FCHO2: variants seen among roughly 807,000 people sequenced by gnomAD.
FCHO2 encodes FCH and mu domain containing endocytic adaptor 2, also known as F-BAR domain only protein 2.
A neutral mutation model predicts 114.1 loss-of-function variants in FCHO2; 43 were observed. That is an observed-to-expected ratio of 0.38 (90% CI 0.30 to 0.49). The LOEUF is 0.49. Among genes scored for constraint, FCHO2 ranks in the 20% least tolerant of loss-of-function variants. FCHO2 has a pLI of 0.97. For missense variants in FCHO2, 807 were observed against 950.4 expected, an observed-to-expected ratio of 0.85 and a Z score of 1.98; for synonymous variants, 293 against 315.2, an observed-to-expected ratio of 0.93 and a Z score of 0.75.
intron 10 of FCHO2, among the ~76,000 whole-genome samples, chr5:73,040,804 T>A (rs1756766396): frequency 6.6e-6 from 1 of 152,156 alleles, no homozygotes; most frequent in African/African-American, 2.4e-5. Flanking sequence ...GTTTAAAAAT[T>A]GTATTTTTTC....
rs70973214 is a variant in FCHO2, at chr5:72,963,902, G to GTTT, written c.34-4571_34-4569dup. On this transcript the variant is annotated intron_variant, in intron 1 of 25. Coordinates refer to ENST00000430046, the MANE Select transcript of FCHO2 (RefSeq NM_138782.3). ...TTCCCATTTTGTATGGGAACTTTCA[G>GTTT]TTTTTTTTTTTTTTTTTTTTTTTTT... Among the ~76,000 whole-genome samples the GTTT allele has an allele frequency of 8.4e-5, 8 of 95,714 alleles. 1 individual carries two copies. Among genetic ancestry groups the GTTT allele is most frequent in the African/African-American group, 1.7e-4 (4 of 23,880 alleles). The allele number at this position is 95,714 out of a possible 152,430, so 62.8% of individuals were successfully genotyped here.
At chr5:73,053,970 A>G (rs567054129) in intron 13 of FCHO2, among the ~76,000 whole-genome samples, 190 bp from the exon 14 acceptor site, 1 of 152,290 alleles carries the variant, frequency 6.6e-6, no homozygotes, top group South Asian at 2.1e-4. Flanking sequence ...TTAATATTGG[A>G]TAAGAAAAGA....
At position 73,063,805 on chromosome 5, in the gene FCHO2, T is replaced by C. The variant is rs886175860; in HGVS notation, c.1346-36T>C. The C allele has an allele frequency of 4.5e-6, 7 of 1,566,896 alleles. No individual in the cohort carries two copies. In the Admixed American group the frequency reaches 8.7e-5, roughly 19 times the overall value. ...TTATGTAAGGATTGCTACATACTAA[T>C]GATTTTCTTCAAATTCTCTTTTCCC... On this transcript the variant is annotated intron_variant, in intron 17 of 25. Coordinates refer to ENST00000430046, the MANE Select transcript of FCHO2 (RefSeq NM_138782.3).
intron 8 of FCHO2, among the ~76,000 whole-genome samples, chr5:73,022,575 C>T (rs1017164770): frequency 6.6e-6 from 1 of 152,142 alleles, no homozygotes; most frequent in African/African-American, 2.4e-5. Context: ...TGCATTCGTC[C>T]CCGGAGGAGA....
At chr5:72,966,750 A>G (rs1029805048) in intron 1 of FCHO2, among the ~76,000 whole-genome samples, 2 of 152,232 alleles carry the variant, frequency 1.3e-5, no homozygotes, top group African/African-American at 4.8e-5. Context: ...GTATTATGTA[A>G]CACTTGCTTA....
At chr5:73,063,287 T>C (rs894847054) in intron 17 of FCHO2, among the ~76,000 whole-genome samples, 1 of 152,120 alleles carries the variant, frequency 6.6e-6, no homozygotes, top group African/African-American at 2.4e-5. Flanking sequence ...CCAAAGTTAA[T>C]TGTAATGATT....
At chr5:73,011,150 G>A (rs1253994267) in intron 6 of FCHO2, among the ~76,000 whole-genome samples, 4 of 152,142 alleles carry the variant, frequency 2.6e-5, no homozygotes, top group Non-Finnish European at 4.4e-5. Flanking sequence ...TTGCAGGACT[G>A]GAAGTTGCTC....
chr5:72,987,023 G>A (rs991401747), intron 2 of FCHO2, among the ~76,000 whole-genome samples: 2 of 151,348 alleles, frequency 1.3e-5, no homozygotes, highest in Non-Finnish European at 2.9e-5. Flanking sequence ...TTACAGGCGT[G>A]TGTCACCAAG....
intron 1 of FCHO2, among the ~76,000 whole-genome samples, chr5:72,957,638 A>G (rs778275584): frequency 2.6e-5 from 4 of 152,228 alleles, no homozygotes; most frequent in Non-Finnish European, 5.9e-5. Context: ...TGGGTTATGA[A>G]TAATGCTGCA....
At chr5:73,009,450 A>G (rs1300907805) in intron 6 of FCHO2, among the ~76,000 whole-genome samples, 1 of 152,154 alleles carries the variant, frequency 6.6e-6, no homozygotes, top group Admixed American at 6.5e-5. Context: ...ACATCTTTCC[A>G]TTTCCTTTTC....
At chr5:72,974,255 C>A (rs1752735219) in intron 2 of FCHO2, among the ~76,000 whole-genome samples, 1 of 133,992 alleles carries the variant, frequency 7.5e-6, no homozygotes, top group African/African-American at 2.8e-5. Flanking sequence ...TCCTGGGTAT[C>A]CTTGTTGACT....
chr5:73,044,943 G>C (rs1580158422), intron 11 of FCHO2, among the ~76,000 whole-genome samples: 1 of 152,126 alleles, frequency 6.6e-6, no homozygotes, highest in East Asian at 1.9e-4. Context: ...AATGGGTAAA[G>C]ATGAACACAG....
chr5:73,021,048 G>A (rs1755597882), intron 8 of FCHO2: 1 of 1,007,512 alleles, frequency 9.9e-7, no homozygotes, highest in Non-Finnish European at 1.6e-6. Context: ...ATCCATGGAA[G>A]TTTACCTGGT....
intron 6 of FCHO2, among the ~76,000 whole-genome samples, chr5:73,010,552 C>A (rs958455885): frequency 6.6e-6 from 1 of 151,978 alleles, no homozygotes; most frequent in East Asian, 1.9e-4. Context: ...TGTCGTTAGG[C>A]AATTTTGTCA....
chr5:73,012,617 CA>C (rs11358269), intron 6 of FCHO2, among the ~76,000 whole-genome samples: 42,840 of 92,694 alleles, frequency 0.46, 6,203 homozygotes, highest in East Asian at 0.59. Flanking sequence ...GACTCCGTCT[CA>C]AAAAAAAAAA....
intron 2 of FCHO2, among the ~76,000 whole-genome samples, chr5:72,980,027 A>G (rs960650696): frequency 2.0e-5 from 3 of 151,862 alleles, no homozygotes; most frequent in African/African-American, 7.3e-5. Context: ...AGTTCTTTTA[A>G]TTGTGATGTT....
chr5:73,000,771 G>A (rs1437332732), intron 5 of FCHO2, among the ~76,000 whole-genome samples: 1 of 115,182 alleles, frequency 8.7e-6, no homozygotes, highest in East Asian at 3.0e-4. Context: ...GTGAAACGCT[G>A]TCTCAATTAA....
chr5:73,026,608 G>A (rs1203242981), intron 8 of FCHO2, among the ~76,000 whole-genome samples: 2 of 152,090 alleles, frequency 1.3e-5, no homozygotes, highest in Non-Finnish European at 2.9e-5. Flanking sequence ...CAAACTGAGA[G>A]CATTACAAAT....
Position 72,982,931 on chromosome 5 carries a change from TCAG to T in FCHO2, c.126-6495_126-6493del, listed in dbSNP as rs775744658. On this transcript the variant is annotated intron_variant, in intron 2 of 25. Transcript: ENST00000430046. ...GTATTGCATTTGTTCCTTTTTTTTT[TCAG>T]ACAGAGTATCTCTCTGTCGCCGAGG... Among the ~76,000 whole-genome samples the T allele has an allele frequency of 4.0e-5, 6 of 150,802 alleles. No homozygotes were observed. In the South Asian group the frequency reaches 8.4e-4, roughly 21 times the overall value.
Sources: gnomAD v4.1 joint callset for allele counts (sites outside exome capture counted in the v4.1 genomes callset) on GRCh38, gnomAD v4.1.1 for gene constraint, MANE v1.5 for transcripts, NCBI Gene and HGNC (gene_info 2026-07-23, HGNC 2026-07-21) for gene names.